Variants in GRID2 observed in about 807,000 individuals in gnomAD.
GRID2 encodes glutamate ionotropic receptor delta type subunit 2.
A neutral mutation model predicts 114.8 loss-of-function variants in GRID2; 33 were observed. The observed-to-expected ratio is 0.29, with a 90% CI of 0.22 to 0.38. GRID2 has a LOEUF of 0.38. GRID2 is among the 10% of genes least tolerant of loss of function. GRID2 has a pLI of 1.00. For missense variants in GRID2, 1,184 were observed against 1,257.7 expected (o/e 0.94, Z 0.89); for synonymous variants, 505 against 449.9 (o/e 1.12, Z -1.55).
At chr4:93,292,949 T>C (rs2149150128) in intron 8 of GRID2, among the ~76,000 whole-genome samples, 1 of 152,304 alleles carries the variant, frequency 6.6e-6, no homozygotes. Context: ...GTCCATATGC[T>C]ATTCAGTAAT....
chr4:92,727,459 C>T (rs539618513), intron 2 of GRID2, among the ~76,000 whole-genome samples: 1 of 151,998 alleles, frequency 6.6e-6, no homozygotes. Flanking sequence ...AAGTATATTA[C>T]TATTTTGGTT....
At chr4:92,699,673 T>A (rs976798695) in intron 2 of GRID2, among the ~76,000 whole-genome samples, 10 of 152,212 alleles carry the variant, frequency 6.6e-5, no homozygotes, top group African/African-American at 2.4e-4. Context: ...ACAATTTTTA[T>A]CTATTTTATC....
intron 2 of GRID2, among the ~76,000 whole-genome samples, chr4:92,655,017 T>A (rs1227501340): frequency 6.6e-6 from 1 of 152,040 alleles, no homozygotes; most frequent in Non-Finnish European, 1.5e-5. Flanking sequence ...AGTAATTTTA[T>A]AAATTTAGGT....
intron 1 of GRID2, among the ~76,000 whole-genome samples, chr4:92,354,385 C>T (rs1728217698): frequency 1.3e-5 from 2 of 151,858 alleles, no homozygotes; most frequent in African/African-American, 2.4e-5. Flanking sequence ...GGTACATGAG[C>T]TTGTAGCTGC....
chr4:92,482,026 AT>A (rs1560660586), intron 1 of GRID2, among the ~76,000 whole-genome samples: 20 of 69,614 alleles, frequency 2.9e-4, no homozygotes, highest in African/African-American at 8.9e-4. Flanking sequence ...ATATATATAT[AT>A]ATATATAAAA....
intron 2 of GRID2, among the ~76,000 whole-genome samples, chr4:92,832,870 A>G (rs1742213994): frequency 6.6e-6 from 1 of 152,240 alleles, no homozygotes; most frequent in South Asian, 2.1e-4. Context: ...AAGTGGATAT[A>G]GTAATGAACT....
intron 2 of GRID2, among the ~76,000 whole-genome samples, chr4:92,952,744 T>C (rs1752123307): frequency 6.6e-6 from 1 of 152,226 alleles, no homozygotes; most frequent in African/African-American, 2.4e-5. Context: ...GTTTCAGGCT[T>C]CTTTTGTCAT....
At position 93,422,977 on chromosome 4, in the gene GRID2, TA is replaced by T; in HGVS notation, c.1545+10del. 1 of 1,565,112 alleles carries T rather than the reference TA, an allele frequency of 6.4e-7. No individual in the cohort carries two copies. Among genetic ancestry groups the T allele is most frequent in the Non-Finnish European group, 8.8e-7 (1 of 1,135,720 alleles). On this transcript the variant is annotated intron_variant, in intron 10 of 15. Coordinates refer to ENST00000282020, the MANE Select transcript of GRID2 (RefSeq NM_001510.4). ...GAGAACTTGTCTTTAAGGTAAGAAT[TA>T]CTTTATTTATTTGTCTCATACTTAA... is the stretch of plus-strand genomic sequence containing the variant.
At chr4:92,353,953 G>T (rs898880940) in intron 1 of GRID2, among the ~76,000 whole-genome samples, 2 of 151,946 alleles carry the variant, frequency 1.3e-5, no homozygotes, top group African/African-American at 4.8e-5. Flanking sequence ...TTTTGCCTCA[G>T]GCATCCGCAG....
intron 8 of GRID2, among the ~76,000 whole-genome samples, chr4:93,253,960 T>C (rs973084879): frequency 6.6e-6 from 1 of 152,152 alleles, no homozygotes; most frequent in Non-Finnish European, 1.5e-5. Context: ...GTTATTCTGA[T>C]TTTAAATTGT....
At chr4:93,671,987 T>TG (rs752608415) in intron 14 of GRID2, among the ~76,000 whole-genome samples, 6 of 150,674 alleles carry the variant, frequency 4.0e-5, no homozygotes, top group Non-Finnish European at 7.4e-5. Context: ...AAAATAATAA[T>TG]GATAAAATAA....
At chr4:93,459,477 G>A (rs1365910237) in intron 11 of GRID2, among the ~76,000 whole-genome samples, 1 of 152,036 alleles carries the variant, frequency 6.6e-6, no homozygotes, top group Non-Finnish European at 1.5e-5. Context: ...GGATTAGACT[G>A]GAGAAAAAGA....
intron 2 of GRID2, among the ~76,000 whole-genome samples, chr4:92,993,401 C>T (rs1322800332): frequency 6.6e-6 from 1 of 151,956 alleles, no homozygotes; most frequent in African/African-American, 2.4e-5. Flanking sequence ...TCCCTACTTA[C>T]CTCACCTCTG....
At chr4:92,711,117 T>C (rs1162136806) in intron 2 of GRID2, among the ~76,000 whole-genome samples, 3 of 152,200 alleles carry the variant, frequency 2.0e-5, no homozygotes, top group African/African-American at 7.2e-5. Flanking sequence ...TACTTTGTAC[T>C]ATTTTTTTAA....
intron 1 of GRID2, among the ~76,000 whole-genome samples, chr4:92,430,267 G>T (rs1266943328): frequency 6.6e-6 from 1 of 151,898 alleles, no homozygotes; most frequent in Non-Finnish European, 1.5e-5. Flanking sequence ...AATCCATTTT[G>T]GTTTTATTTT....
chr4:92,938,580 A>G (rs938784226), intron 2 of GRID2, among the ~76,000 whole-genome samples: 10 of 146,248 alleles, frequency 6.8e-5, no homozygotes, highest in African/African-American at 2.4e-4. Flanking sequence ...TTTTTTTATT[A>G]TACTTTAAGT....
intron 1 of GRID2, among the ~76,000 whole-genome samples, chr4:92,348,981 C>T (rs1727924975): frequency 6.6e-6 from 1 of 151,356 alleles, no homozygotes; most frequent in South Asian, 2.1e-4. Flanking sequence ...ATTAATTGAA[C>T]ATGTGGGAAA....
At chr4:92,485,809 A>G (rs908529048) in intron 1 of GRID2, among the ~76,000 whole-genome samples, 1 of 152,176 alleles carries the variant, frequency 6.6e-6, no homozygotes, top group Admixed American at 6.6e-5. Flanking sequence ...TCTGCTCTGC[A>G]TTAATTTTAT....
chr4:93,722,733 C>T (rs1029510954), intron 14 of GRID2, among the ~76,000 whole-genome samples: 8 of 152,214 alleles, frequency 5.3e-5, no homozygotes, highest in African/African-American at 1.9e-4. Context: ...ACTGTTATAA[C>T]CTAAGGTACT....
Sources: allele counts gnomAD v4.1 joint callset (sites outside exome capture counted in the v4.1 genomes callset), GRCh38; gene constraint gnomAD v4.1.1; transcripts MANE v1.5; gene names NCBI Gene and HGNC (gene_info 2026-07-23, HGNC 2026-07-21).